Variants in IGF2BP1 observed in about 807,000 individuals in gnomAD.
The protein encoded by IGF2BP1 is insulin-like growth factor 2 mRNA-binding protein 1.
In IGF2BP1, 11 loss-of-function variants were observed where a neutral mutation model predicts 74.9. The observed-to-expected ratio is 0.15, with a 90% CI of 0.09 to 0.24. IGF2BP1 has a LOEUF of 0.24. Among genes scored for constraint, IGF2BP1 ranks in the 10% least tolerant of loss-of-function variants. The pLI, the probability that IGF2BP1 is intolerant of heterozygous loss-of-function variation, is 1.00. For missense variants in IGF2BP1, 440 were observed against 757.4 expected, an observed-to-expected ratio of 0.58 and a Z score of 4.92; for synonymous variants, 287 against 281.8, an observed-to-expected ratio of 1.02 and a Z score of -0.18.
chr17:49,038,492 A>G, intron 6 of IGF2BP1, 43 bp downstream of exon 6: 1 of 1,424,626 alleles, frequency 7.0e-7, no homozygotes, highest in Admixed American at 3.0e-5. Flanking sequence ...GTGCTAGGGA[A>G]CAGTGGTTGG....
intron 5 of IGF2BP1, among the ~76,000 whole-genome samples, chr17:49,035,724 C>T (rs2041979236): frequency 6.6e-6 from 1 of 152,224 alleles, no homozygotes; most frequent in Non-Finnish European, 1.5e-5. Context: ...CCGGGCTGCT[C>T]GCCTTCTAGA....
Position 49,045,173 on chromosome 17 carries a change from T to C in IGF2BP1, c.1395+108T>C, listed in dbSNP as rs1188111935. ...CAGTTTCCCGTTAGCTGTCAAGTCC[T>C]CATCACATCTTTAAGCCTTCCATGC... On this transcript the variant is annotated intron_variant, in intron 12 of 14. Coordinates refer to ENST00000290341, the MANE Select transcript of IGF2BP1 (RefSeq NM_006546.4). The C allele has an allele frequency of 4.8e-6, 4 of 840,562 alleles. No individual in the cohort carries two copies. In the African/African-American group the frequency reaches 5.0e-5, roughly 11 times the overall value. 52.1% of individuals were successfully genotyped at this position (840,562 alleles called of 1,614,324 possible). A position where few individuals can be genotyped will look rare whatever the true frequency, so the allele number is the denominator to read the frequency against.
chr17:49,032,669 C>G (rs1190559698), intron 5 of IGF2BP1, among the ~76,000 whole-genome samples: 5 of 152,182 alleles, frequency 3.3e-5, no homozygotes, highest in Admixed American at 6.5e-5. Context: ...TATGTAAAAT[C>G]CTACCTCTTC....
chr17:49,015,292 G>A (rs1314869568), intron 2 of IGF2BP1, among the ~76,000 whole-genome samples: 1 of 152,162 alleles, frequency 6.6e-6, no homozygotes, highest in Non-Finnish European at 1.5e-5. Flanking sequence ...TGGCTTTTAA[G>A]CTTTCTGGAG....
rs2042216827 is a variant in IGF2BP1 at position 49,055,439 on chromosome 17, C to G, written c.*5995C>G. The G allele has an allele frequency of 1.9e-5, 7 of 377,988 alleles. No homozygotes were observed. In the East Asian group the frequency reaches 1.9e-4, roughly 10 times the overall value. 23.4% of individuals were successfully genotyped at this position (377,988 alleles called of 1,614,324 possible). A position where few individuals can be genotyped will look rare whatever the true frequency, so the allele number is the denominator to read the frequency against. On this transcript the variant is annotated 3_prime_UTR_variant, in exon 15 of 15. Coordinates refer to ENST00000290341, the MANE Select transcript of IGF2BP1 (RefSeq NM_006546.4). The stretch of plus-strand genomic sequence containing the variant: ...GCTGACTTCAGTCACCCCTGTCCCC[C>G]CTCCCCTGCCAATAAGCTCCCCCAG...
chr17:49,037,213 A>G (rs2042000360), intron 5 of IGF2BP1: 3 of 472,936 alleles, frequency 6.3e-6, no homozygotes, highest in Non-Finnish European at 1.2e-5. Context: ...AGGTGTTCTG[A>G]ACAACTTCAA....
chr17:49,026,598 T>G, intron 4 of IGF2BP1, 81 bp downstream of exon 4: 1 of 1,225,886 alleles, frequency 8.2e-7, no homozygotes. Context: ...TCACTTTGTT[T>G]CTTTCTTTTT....
intron 2 of IGF2BP1, among the ~76,000 whole-genome samples, chr17:49,024,638 C>T (rs1170631985): frequency 6.6e-6 from 1 of 152,140 alleles, no homozygotes; most frequent in Non-Finnish European, 1.5e-5. Flanking sequence ...TAGGAAGAAA[C>T]GGCCTCAAAG....
intron 2 of IGF2BP1, among the ~76,000 whole-genome samples, chr17:49,018,876 G>A (rs76186740): frequency 6.6e-6 from 1 of 152,160 alleles, no homozygotes; most frequent in Non-Finnish European, 1.5e-5. Flanking sequence ...TGGCCTGGGG[G>A]AGGGGTGGAG....
intron 2 of IGF2BP1, among the ~76,000 whole-genome samples, chr17:49,021,122 G>A (rs1467680235): frequency 6.6e-6 from 1 of 151,510 alleles, no homozygotes; most frequent in African/African-American, 2.4e-5. Context: ...CAGCCTGGAT[G>A]ACAGAGCAAT....
At chr17:49,014,785 T>TA (rs1156499369) in intron 2 of IGF2BP1, 7 of 985,264 alleles carry the variant, frequency 7.1e-6, no homozygotes, top group African/African-American at 7.0e-5. Flanking sequence ...CAGGGGGCAC[T>TA]AAGGACCCCG....
At chr17:49,022,507 G>A (rs530372475) in intron 2 of IGF2BP1, among the ~76,000 whole-genome samples, 1 of 152,196 alleles carries the variant, frequency 6.6e-6, no homozygotes, top group Non-Finnish European at 1.5e-5. Context: ...CCCAGGGTGG[G>A]GTGTGTACCC....
intron 4 of IGF2BP1, among the ~76,000 whole-genome samples, chr17:49,029,184 T>C: frequency 6.6e-6 from 1 of 152,244 alleles, no homozygotes. Context: ...TGCTTATTGT[T>C]ATCTCTCCAT....
At position 49,030,965 on chromosome 17, in the gene IGF2BP1, G is replaced by T. The variant is rs138883893; in HGVS notation, c.338-945G>T. On this transcript the variant is annotated intron_variant, in intron 4 of 14. Transcript: ENST00000290341. ...ACTTTCTAAGGGGAATTTACTCCCA[G>T]GTTGTGTGTGTATGTGGAGGTGGGT... Among the ~76,000 whole-genome samples the T allele has an allele frequency of 3.8e-4, 58 of 152,276 alleles. No individual in the cohort carries two copies. The East Asian group carries it at 9.5e-3, about 25-fold the overall frequency.
chr17:49,035,069 C>A (rs540068590), intron 5 of IGF2BP1, among the ~76,000 whole-genome samples: 1 of 152,156 alleles, frequency 6.6e-6, no homozygotes, highest in Non-Finnish European at 1.5e-5. Context: ...AGTGTGGTAC[C>A]GGCTTCAGGA....
chr17:49,023,202 C>G (rs1023611963), intron 2 of IGF2BP1, among the ~76,000 whole-genome samples: 5 of 152,200 alleles, frequency 3.3e-5, no homozygotes, highest in African/African-American at 1.2e-4. Context: ...GGTCTGATGG[C>G]ATCTGGGGAC....
In IGF2BP1 at chr17:49,054,605, C is replaced by T. The variant is rs754400937; in HGVS notation, c.*5161C>T. 3 of 152,386 alleles carry T rather than the reference C, an allele frequency of 2.0e-5. No homozygotes were observed. The highest frequency in any genetic ancestry group is 4.4e-5 in the Non-Finnish European group (3 of 68,194). The allele number at this position is 152,386 out of a possible 1,614,324, so 9.4% of individuals were successfully genotyped here. A position where few individuals can be genotyped will look rare whatever the true frequency, so the allele number is the denominator to read the frequency against. On this transcript the variant is annotated 3_prime_UTR_variant, in exon 15 of 15. Coordinates refer to ENST00000290341, the MANE Select transcript of IGF2BP1 (RefSeq NM_006546.4). ...CCTTTGGCCTCCAGCTTGTCCCTCTCTCACTTTCTATAGCTTTGTTGGACC... is the reference window on the plus strand; with the variant it reads ...CCTTTGGCCTCCAGCTTGTCCCTCTTTCACTTTCTATAGCTTTGTTGGACC...
Position 49,052,819 on chromosome 17 carries a change from C to T in IGF2BP1, c.*3375C>T, listed in dbSNP as rs1473631014. On this transcript the variant is annotated 3_prime_UTR_variant, in exon 15 of 15. Coordinates refer to ENST00000290341, the MANE Select transcript of IGF2BP1 (RefSeq NM_006546.4). ...GACTTAAAAAAAATGCTTCTGTGCT[C>T]TAAGATATATATGTGTGTGTGTGTG... is the stretch of plus-strand genomic sequence containing the variant. 2 of 152,482 alleles carry T rather than the reference C, an allele frequency of 1.3e-5. No homozygotes were observed. Among genetic ancestry groups the T allele is most frequent in the African/African-American group, 2.4e-5 (1 of 41,404 alleles). 9.4% of individuals were successfully genotyped at this position (152,482 alleles called of 1,614,324 possible).
chr17:49,029,048 G>C (rs564901007), intron 4 of IGF2BP1, among the ~76,000 whole-genome samples: 177 of 152,192 alleles, frequency 1.2e-3, no homozygotes, highest in Admixed American at 4.5e-3. Context: ...CTTGTGATCC[G>C]CCCACCTCGG....
Sources: gnomAD v4.1 joint callset for allele counts (sites outside exome capture counted in the v4.1 genomes callset) on GRCh38, gnomAD v4.1.1 for gene constraint, MANE v1.5 for transcripts, NCBI Gene and HGNC (gene_info 2026-07-23, HGNC 2026-07-21) for gene names.